Variants in CEP126 observed in about 807,000 individuals in gnomAD.
CEP126 encodes centrosomal protein of 126 kDa.
In CEP126, 74 loss-of-function variants were observed where a neutral mutation model predicts 107.8. That is an observed-to-expected ratio of 0.69 (90% CI 0.57 to 0.83). The LOEUF (loss-of-function observed/expected upper bound fraction) is 0.83. Among genes scored for constraint, CEP126 ranks in the 40% least tolerant of loss-of-function variants. CEP126 has a pLI of 0.00. For synonymous variants in CEP126, 449 were observed against 446.0 expected (o/e 1.01, Z -0.08); for missense variants, 1,237 against 1,281.9 (o/e 0.96, Z 0.53).
At chr11:101,972,578 G>A (rs1240435802) in intron 6 of CEP126, among the ~76,000 whole-genome samples, 3 of 151,948 alleles carry the variant, frequency 2.0e-5, no homozygotes, top group Admixed American at 6.6e-5. Context: ...TGAGGCAGGC[G>A]GATCACAAGG....
At chr11:101,963,945 G>A in intron 6 of CEP126, 65 bp downstream of exon 6, 1 of 1,114,754 alleles carries the variant, frequency 9.0e-7, no homozygotes, top group Non-Finnish European at 1.3e-6. Flanking sequence ...ATGTGAAATT[G>A]TTCCTATTTA....
intron 8 of CEP126, among the ~76,000 whole-genome samples, chr11:101,983,962 T>A (rs892655711): frequency 2.6e-5 from 4 of 152,190 alleles, no homozygotes; most frequent in Non-Finnish European, 5.9e-5. Flanking sequence ...ACACTTTATA[T>A]CAGGGAAGCT....
chr11:101,924,552 G>A (rs145614910), intron 2 of CEP126, among the ~76,000 whole-genome samples: 3,507 of 151,962 alleles, frequency 0.023, 81 homozygotes, highest in Middle Eastern at 0.051. Flanking sequence ...TGCAACCTCC[G>A]CCTCCCAGAT....
At chr11:101,961,695 A>T in intron 5 of CEP126, 46 bp from the exon 6 acceptor site, 1 of 1,099,128 alleles carries the variant, frequency 9.1e-7, no homozygotes, top group South Asian at 1.6e-5. Flanking sequence ...TAATCTTGGC[A>T]TTTAAAAGTT....
At chr11:101,955,055 A>C (rs1940866128) in intron 4 of CEP126, among the ~76,000 whole-genome samples, 1 of 152,188 alleles carries the variant, frequency 6.6e-6, no homozygotes, top group Non-Finnish European at 1.5e-5. Flanking sequence ...GTGGTAGATA[A>C]AAATAAGATG....
At chr11:101,957,682 G>T (rs927694352) in intron 4 of CEP126, among the ~76,000 whole-genome samples, 11 of 152,118 alleles carry the variant, frequency 7.2e-5, no homozygotes, top group African/African-American at 2.4e-4. Context: ...GGAAATTCCT[G>T]CTGACCCTGA....
chr11:101,954,162 G>A (rs1410874862), intron 4 of CEP126, among the ~76,000 whole-genome samples: 43 of 151,914 alleles, frequency 2.8e-4, no homozygotes, highest in Admixed American at 2.8e-3. Flanking sequence ...CAAGTAGCTG[G>A]GATTACAGGA....
chr11:101,942,226 T>C (rs1940675263), intron 2 of CEP126, among the ~76,000 whole-genome samples: 1 of 152,174 alleles, frequency 6.6e-6, no homozygotes, highest in Non-Finnish European at 1.5e-5. Flanking sequence ...TGAAGCTTTT[T>C]CTGTATGTTC....
chr11:101,960,917 A>G (rs1345240238), intron 5 of CEP126, among the ~76,000 whole-genome samples: 1 of 152,064 alleles, frequency 6.6e-6, no homozygotes, highest in Non-Finnish European at 1.5e-5. Context: ...CATGCTAGGT[A>G]TGTGTGAGAA....
chr11:101,939,801 A>T (rs867558777), intron 2 of CEP126, among the ~76,000 whole-genome samples: 2 of 152,242 alleles, frequency 1.3e-5, no homozygotes, highest in African/African-American at 4.8e-5. Flanking sequence ...TAAACTCATT[A>T]TTTAACAAAT....
At chr11:101,969,488 G>A (rs1013452566) in intron 6 of CEP126, among the ~76,000 whole-genome samples, 6 of 152,174 alleles carry the variant, frequency 3.9e-5, no homozygotes, top group South Asian at 2.1e-4. Flanking sequence ...ATGAAATAGC[G>A]GAGCAGGGGG....
Position 101,965,098 on chromosome 11 carries a change from C to T in CEP126, c.2845+1218C>T, listed in dbSNP as rs1290697903. 2.6e-5 allele frequency among the ~76,000 whole-genome samples: 4 copies of T among 152,046 alleles called. No individual in the cohort carries two copies. The East Asian group carries it at 7.7e-4, about 29-fold the overall frequency. On this transcript the variant is annotated intron_variant, in intron 6 of 10. Transcript: ENST00000263468. ...TGAAATATTTTTGAAAATTAATTCTCTATAGAATGCCATTGCCCTTACTAG... is the reference window on the plus strand; with the variant it reads ...TGAAATATTTTTGAAAATTAATTCTTTATAGAATGCCATTGCCCTTACTAG...
In CEP126 at chr11:102,000,862, A is replaced by G. The variant is rs866395276; in HGVS notation, c.*3219A>G. The stretch of plus-strand genomic sequence containing the variant: ...CATCAGGAAGGATTACCATGAACTT[A>G]TTTTAAATCCATATTGTACCAGAAT... On this transcript the variant is annotated 3_prime_UTR_variant, in exon 11 of 11. Transcript: ENST00000263468. The G allele has an allele frequency of 2.5e-4, 38 of 152,314 alleles. No homozygotes were observed. The highest frequency in any genetic ancestry group is 8.7e-4 in the African/African-American group (36 of 41,582). 9.4% of individuals were successfully genotyped at this position (152,314 alleles called of 1,614,324 possible). A position where few individuals can be genotyped will look rare whatever the true frequency, so the allele number is the denominator to read the frequency against.
intron 6 of CEP126, among the ~76,000 whole-genome samples, chr11:101,974,396 A>T (rs1220115650): frequency 6.6e-6 from 1 of 152,206 alleles, no homozygotes; most frequent in Non-Finnish European, 1.5e-5. Flanking sequence ...AAATATTTGA[A>T]GGCTTATGAC....
At chr11:101,916,396 T>C (rs1416467106) in intron 1 of CEP126, 1 of 152,214 alleles carries the variant, frequency 6.6e-6, no homozygotes, top group Non-Finnish European at 1.5e-5. Flanking sequence ...GTATAGAGCT[T>C]CACTAAAAGT....
chr11:101,929,738 G>A (rs1019295325), intron 2 of CEP126, among the ~76,000 whole-genome samples: 3 of 152,162 alleles, frequency 2.0e-5, no homozygotes, highest in African/African-American at 7.2e-5. Flanking sequence ...AAAGCCAGGC[G>A]TTCTACTCAG....
chr11:101,932,625 T>C (rs1289089927), intron 2 of CEP126, among the ~76,000 whole-genome samples: 2 of 152,156 alleles, frequency 1.3e-5, no homozygotes, highest in African/African-American at 4.8e-5. Flanking sequence ...TCAGGACCTT[T>C]GCACACTGTT....
At chr11:101,956,728 C>G (rs1048104638) in intron 4 of CEP126, 7 of 455,800 alleles carry the variant, frequency 1.5e-5, no homozygotes, top group Admixed American at 1.2e-4. Context: ...TAGCTTTTCC[C>G]TCTCCAGTTT....
chr11:101,931,772 A>G (rs1940503719), intron 2 of CEP126, among the ~76,000 whole-genome samples: 1 of 152,222 alleles, frequency 6.6e-6, no homozygotes, highest in South Asian at 2.1e-4. Context: ...GTGACCACAG[A>G]TACTCTAAAT....
Sources: gnomAD v4.1 joint callset for allele counts (sites outside exome capture counted in the v4.1 genomes callset) on GRCh38, gnomAD v4.1.1 for gene constraint, MANE v1.5 for transcripts, NCBI Gene and HGNC (gene_info 2026-07-23, HGNC 2026-07-21) for gene names.